CCDC126: variants seen among roughly 807,000 people sequenced by gnomAD.
The protein encoded by CCDC126 is coiled-coil domain-containing protein 126.
In CCDC126, 5 loss-of-function variants were observed where a neutral mutation model predicts 11.7. The ratio of observed to expected loss-of-function variants is 0.43; its 90% CI spans 0.22 to 0.90. The LOEUF (loss-of-function observed/expected upper bound fraction) is 0.90, where lower values mean the gene tolerates loss of function less well. Among genes scored for constraint, CCDC126 ranks in the 40% least tolerant of loss-of-function variants. CCDC126 has a pLI of 0.27. For missense variants in CCDC126, 150 were observed against 163.1 expected (o/e 0.92, Z 0.44); for synonymous variants, 60 against 61.9 (o/e 0.97, Z 0.14).
At chr7:23,638,252 T>C (rs1783279361) in intron 3 of CCDC126, among the ~76,000 whole-genome samples, 2 of 151,594 alleles carry the variant, frequency 1.3e-5, no homozygotes, top group Admixed American at 1.3e-4. Context: ...ATGATGACAA[T>C]GGCGGTTTTG....
intron 3 of CCDC126, among the ~76,000 whole-genome samples, chr7:23,636,517 T>G: frequency 7.8e-6 from 1 of 128,338 alleles, no homozygotes; most frequent in Non-Finnish European, 1.6e-5. Context: ...CCCGCCGCCC[T>G]GTCTGGGATG....
At chr7:23,604,254 CTGAA>C (rs1379909014) in intron 2 of CCDC126, 1 of 152,148 alleles carries the variant, frequency 6.6e-6, no homozygotes, top group Non-Finnish European at 1.5e-5. Context: ...CTGTTATTAA[CTGAA>C]TGAGAGGATG....
At chr7:23,608,881 A>G (rs1261465237) in intron 2 of CCDC126, among the ~76,000 whole-genome samples, 1 of 152,154 alleles carries the variant, frequency 6.6e-6, no homozygotes, top group Non-Finnish European at 1.5e-5. Flanking sequence ...TTTTAAGGAT[A>G]ATTTGGTAGG....
At chr7:23,623,072 C>T (rs184867501) in intron 3 of CCDC126, among the ~76,000 whole-genome samples, 289 of 143,724 alleles carry the variant, frequency 2.0e-3, no homozygotes, top group Admixed American at 3.2e-3. Context: ...CTCCCGGGTT[C>T]AGGCGGTTCT....
At chr7:23,628,979 C>G (rs1035364012) in intron 3 of CCDC126, among the ~76,000 whole-genome samples, 1 of 151,920 alleles carries the variant, frequency 6.6e-6, no homozygotes, top group African/African-American at 2.4e-5. Context: ...AAGGTGGCAC[C>G]CCTCCCCTGC....
intron 3 of CCDC126, among the ~76,000 whole-genome samples, chr7:23,638,863 C>CAAAAAAAAAAAAAATAAAAA (rs1783297596): frequency 9.2e-6 from 1 of 108,576 alleles, no homozygotes; most frequent in Non-Finnish European, 1.8e-5. Flanking sequence ...AATAAATTAA[C>CAAAAAAAAAAAAAATAAAAA]AAAAAAAAAA....
intron 2 of CCDC126, among the ~76,000 whole-genome samples, chr7:23,610,280 T>C (rs1396902885): frequency 6.6e-6 from 1 of 152,218 alleles, no homozygotes; most frequent in East Asian, 1.9e-4. Context: ...GGAATGATCA[T>C]GGCTCACTGT....
intron 3 of CCDC126, among the ~76,000 whole-genome samples, chr7:23,614,179 A>G (rs1259430686): frequency 6.6e-6 from 1 of 152,240 alleles, no homozygotes; most frequent in Non-Finnish European, 1.5e-5. Flanking sequence ...ACTTCTTTCA[A>G]AATTGGAGTC....
intron 3 of CCDC126, among the ~76,000 whole-genome samples, chr7:23,638,863 CAAAAAAAAAAA>C (rs61374394): frequency 3.7e-5 from 4 of 108,576 alleles, no homozygotes; most frequent in Admixed American, 2.0e-4. Context: ...AATAAATTAA[CAAAAAAAAAAA>C]AAAAAAAAAA....
chr7:23,608,559 G>T (rs1473781492), intron 2 of CCDC126, among the ~76,000 whole-genome samples: 2 of 152,144 alleles, frequency 1.3e-5, no homozygotes, highest in Admixed American at 6.5e-5. Flanking sequence ...TCTTCTTCCA[G>T]TGTGGCCCAG....
chr7:23,630,136 A>C (rs1037184273), intron 3 of CCDC126, among the ~76,000 whole-genome samples: 3 of 152,238 alleles, frequency 2.0e-5, no homozygotes, highest in Admixed American at 1.3e-4. Flanking sequence ...ACATATGCAG[A>C]ATGCTCTGTT....
chr7:23,626,597 TATC>T (rs1783020190), intron 3 of CCDC126, among the ~76,000 whole-genome samples: 1 of 152,200 alleles, frequency 6.6e-6, no homozygotes, highest in Non-Finnish European at 1.5e-5. Context: ...CATATTATTA[TATC>T]ATCCAGGTAC....
chr7:23,638,237 G>A (rs1473654799), intron 3 of CCDC126, among the ~76,000 whole-genome samples: 4 of 152,002 alleles, frequency 2.6e-5, no homozygotes, highest in Non-Finnish European at 4.4e-5. Flanking sequence ...CATTGGGGAT[G>A]GGCCATGATG....
intron 2 of CCDC126, among the ~76,000 whole-genome samples, chr7:23,607,073 C>T (rs1318002304): frequency 4.0e-5 from 6 of 151,190 alleles, no homozygotes; most frequent in African/African-American, 7.3e-5. Flanking sequence ...TACTGCAAGC[C>T]GGGGCAACAG....
At chr7:23,598,801 G>A (rs780645128) in intron 2 of CCDC126, among the ~76,000 whole-genome samples, 1 of 152,182 alleles carries the variant, frequency 6.6e-6, no homozygotes, top group Non-Finnish European at 1.5e-5. Flanking sequence ...TAATGGCTAC[G>A]GAAATAGGAG....
chr7:23,617,241 G>A lies in CCDC126; in HGVS notation c.238+5688G>A, dbSNP rs573599663. ...CACACACCTGTAATCCTAGCTACTC[G>A]GGAGGCTGAGGCAGGAGAATCACTT... is the stretch of plus-strand genomic sequence containing the variant. On this transcript the variant is annotated intron_variant, in intron 3 of 3. Coordinates refer to ENST00000307471, the MANE Select transcript of CCDC126 (RefSeq NM_138771.4). Among the ~76,000 whole-genome samples, 202 of 151,050 alleles carry A rather than the reference G, an allele frequency of 1.3e-3. 1 individual carries two copies. Among genetic ancestry groups the A allele is most frequent in the South Asian group, 6.1e-3 (29 of 4,770 alleles).
At chr7:23,633,298 T>C (rs1783147620) in intron 3 of CCDC126, among the ~76,000 whole-genome samples, 1 of 152,158 alleles carries the variant, frequency 6.6e-6, no homozygotes, top group Admixed American at 6.5e-5. Flanking sequence ...GGCCCTGCCT[T>C]GCAATCTTAA....
At chr7:23,620,156 C>T (rs1782865439) in intron 3 of CCDC126, among the ~76,000 whole-genome samples, 1 of 152,234 alleles carries the variant, frequency 6.6e-6, no homozygotes, top group Non-Finnish European at 1.5e-5. Flanking sequence ...GGAATCGCCA[C>T]ACTGCCTTCC....
At chr7:23,627,803 A>T (rs909341469) in intron 3 of CCDC126, among the ~76,000 whole-genome samples, 1 of 151,984 alleles carries the variant, frequency 6.6e-6, no homozygotes, top group African/African-American at 2.4e-5. Flanking sequence ...TCTGTTGCCC[A>T]GGCTGATCTC....
Sources: gnomAD v4.1 joint callset for allele counts (sites outside exome capture counted in the v4.1 genomes callset) on GRCh38, gnomAD v4.1.1 for gene constraint, MANE v1.5 for transcripts, NCBI Gene and HGNC (gene_info 2026-07-23, HGNC 2026-07-21) for gene names.